Variants in USP16 observed in about 807,000 individuals in gnomAD.
USP16 encodes ubiquitin carboxyl-terminal hydrolase 16.
A neutral mutation model predicts 95.9 loss-of-function variants in USP16; 77 were observed. That is an observed-to-expected ratio of 0.80 (90% CI 0.67 to 0.97). USP16 has a LOEUF of 0.97. Among genes scored for constraint, USP16 ranks in the 50% least tolerant of loss-of-function variants. The pLI is 0.00. For synonymous variants in USP16, 303 were observed against 318.2 expected (o/e 0.95, Z 0.51); for missense variants, 943 against 959.9 (o/e 0.98, Z 0.23).
At chr21:29,052,054 A>ATT in intron 16 of USP16, 1 of 152,126 alleles carries the variant, frequency 6.6e-6, no homozygotes, top group East Asian at 1.9e-4. Flanking sequence ...GGAGGAGATT[A>ATT]TTTGTAAGTG....
At chr21:29,038,909 T>C in intron 7 of USP16, 117 bp from the exon 8 acceptor site, 1 of 1,089,388 alleles carries the variant, frequency 9.2e-7, no homozygotes, top group Non-Finnish European at 1.2e-6. Context: ...ATTTTAAACT[T>C]TTAAATGGGG....
In USP16 at chr21:29,025,775, C is replaced by G. The variant is rs192952202; in HGVS notation, c.-42+998C>G. The G allele has an allele frequency of 5.2e-4, 508 of 971,598 alleles. 2 individuals carry two copies. The highest frequency in any genetic ancestry group is 5.9e-4 in the Non-Finnish European group (480 of 817,388). The allele number at this position is 971,598 out of a possible 1,614,324, so 60.2% of individuals were successfully genotyped here. ...GTAATCATCCTTTATGCCTCAGGTA[C>G]TATTCTATTTTTCTATTTCAATGCA... On this transcript the variant is annotated intron_variant, in intron 1 of 17. Transcript: ENST00000399976.
In USP16 at chr21:29,042,196, G is replaced by T. The variant is rs920542979; in HGVS notation, c.1122+92G>T. On this transcript the variant is annotated intron_variant, in intron 11 of 17. Transcript: ENST00000399976. ...AAAAGCAGAAATCTCTACCTTCATA[G>T]GATATCTTTTTAAACTATTCAGATG... 1.4e-5 allele frequency: 16 copies of T among 1,178,300 alleles called. No homozygotes were observed. In the African/African-American group the frequency reaches 2.2e-4, roughly 16 times the overall value. The allele number at this position is 1,178,300 out of a possible 1,614,324, so 73.0% of individuals were successfully genotyped here.
At chr21:29,033,452 A>G (rs922445474) in intron 3 of USP16, among the ~76,000 whole-genome samples, 6 of 152,234 alleles carry the variant, frequency 3.9e-5, no homozygotes, top group African/African-American at 1.2e-4. Flanking sequence ...GGCAATGGAA[A>G]CACGACCGGT....
chr21:29,029,549 G>T (rs1203763554), intron 2 of USP16, among the ~76,000 whole-genome samples: 3 of 152,174 alleles, frequency 2.0e-5, no homozygotes, highest in Non-Finnish European at 2.9e-5. Flanking sequence ...TGGACATAAA[G>T]CTAATTATGC....
chr21:29,054,257 AG>A lies in USP16; in HGVS notation c.*71del, dbSNP rs1439111477. The A allele has an allele frequency of 2.7e-5, 41 of 1,519,088 alleles. No homozygotes were observed. Among genetic ancestry groups the A allele is most frequent in the Non-Finnish European group, 3.3e-5 (37 of 1,114,164 alleles). 94.1% of individuals were successfully genotyped at this position (1,519,088 alleles called of 1,614,324 possible). A position where few individuals can be genotyped will look rare whatever the true frequency, so the allele number is the denominator to read the frequency against. On this transcript the variant is annotated 3_prime_UTR_variant, in exon 18 of 18. Transcript: ENST00000399976. ...TAATGGCTGAAATAACGATAAAAAA[AG>A]ACTAATTAAAATCATGTTCACTTAA...
chr21:29,044,486 G>A (rs1337108919), intron 13 of USP16, among the ~76,000 whole-genome samples: 10 of 133,696 alleles, frequency 7.5e-5, no homozygotes, highest in Non-Finnish European at 1.4e-4. Context: ...TCACTCTGTC[G>A]CCCAGGCTGG....
intron 13 of USP16, among the ~76,000 whole-genome samples, chr21:29,044,447 CT>C (rs5843364): frequency 0.34 from 40,818 of 119,854 alleles, 6,026 homozygotes; most frequent in South Asian, 0.43. Context: ...CTTCTTCATT[CT>C]TTTTTTTTTT....
At chr21:29,029,177 G>T (rs2085039786) in intron 2 of USP16, among the ~76,000 whole-genome samples, 1 of 152,212 alleles carries the variant, frequency 6.6e-6, no homozygotes, top group African/African-American at 2.4e-5. Flanking sequence ...ACTCTGGGAG[G>T]CCAAGGCGGG....
intron 2 of USP16, among the ~76,000 whole-genome samples, chr21:29,028,497 G>C (rs140546730): frequency 0.01 from 1,575 of 152,026 alleles, 17 homozygotes; most frequent in Middle Eastern, 0.058. Context: ...GTGCAGTAGT[G>C]TGATCTCAGC....
intron 2 of USP16, among the ~76,000 whole-genome samples, chr21:29,028,553 A>T (rs1248593257): frequency 1.3e-5 from 2 of 151,856 alleles, no homozygotes; most frequent in Admixed American, 1.3e-4. Flanking sequence ...CTCCTGTCTC[A>T]GCCTCATGAG....
Position 29,042,037 on chromosome 21 carries a change from C to G in USP16, c.1055C>G (p.Pro352Arg). 2 of 1,612,828 alleles carry G rather than the reference C, an allele frequency of 1.2e-6. No individual in the cohort carries two copies. The highest frequency in any genetic ancestry group is 1.7e-6 in the Non-Finnish European group (2 of 1,179,446). Residue 352 changes from proline (P) to arginine (R), a missense_variant, in exon 11 of 18, where the codon CCA becomes CGA. By Grantham distance (103) the Pro-to-Arg change is moderately radical. Transcript: ENST00000399976. Reference sequence around the variant, plus strand: ...GATTATGAGAAGAAAAAATCAATGCCAAGTTTTGTTGACCGCATCTTTGGT... The same window carrying G: ...GATTATGAGAAGAAAAAATCAATGCGAAGTTTTGTTGACCGCATCTTTGGT... ...VKDYEKKKSM[P>R]SFVDRIFGGE...
At chr21:29,052,200 T>A (rs1047820574) in intron 16 of USP16, 1 of 152,262 alleles carries the variant, frequency 6.6e-6, no homozygotes, top group Middle Eastern at 3.2e-3. Context: ...TGATGCTGGC[T>A]GTTCATGGAC....
chr21:29,054,061 G>A lies in USP16; in HGVS notation c.2351-5G>A. 1 of 1,614,070 alleles carries A rather than the reference G, an allele frequency of 6.2e-7. No homozygotes were observed. The highest frequency in any genetic ancestry group is 8.5e-7 in the Non-Finnish European group (1 of 1,179,976). ...TATGTTTGATTTTTCATTTTCTCATGACAGATTTTGAAATGGAATCAAAAG... is the reference window on the plus strand; with the variant it reads ...TATGTTTGATTTTTCATTTTCTCATAACAGATTTTGAAATGGAATCAAAAG... On this transcript the variant is annotated splice_polypyrimidine_tract_variant and splice_region_variant and intron_variant, in intron 17 of 17. Transcript: ENST00000399976.
chr21:29,031,820 A>G (rs1014851826), intron 3 of USP16, among the ~76,000 whole-genome samples: 3 of 152,262 alleles, frequency 2.0e-5, no homozygotes, highest in African/African-American at 4.8e-5. Context: ...AACAGATAAT[A>G]CAGAGAAATC....
chr21:29,043,820 T>C (rs887766364), intron 13 of USP16, among the ~76,000 whole-genome samples: 1 of 152,228 alleles, frequency 6.6e-6, no homozygotes, highest in African/African-American at 2.4e-5. Context: ...CCTGCATTGC[T>C]TGTAACAAGT....
At chr21:29,039,630 G>A in intron 9 of USP16, 62 bp downstream of exon 9, 1 of 1,480,218 alleles carries the variant, frequency 6.8e-7, no homozygotes, top group Non-Finnish European at 9.2e-7. Context: ...TGTCTCATTT[G>A]ATATCTTACG....
intron 13 of USP16, among the ~76,000 whole-genome samples, chr21:29,045,194 G>C (rs2085304784): frequency 6.6e-6 from 1 of 152,034 alleles, no homozygotes. Flanking sequence ...GTGTTCCTCT[G>C]TTTTTACGGA....
intron 17 of USP16, 35 bp from the exon 18 acceptor site, chr21:29,054,031 C>T: frequency 3.7e-6 from 6 of 1,613,588 alleles, no homozygotes; most frequent in East Asian, 2.2e-5. Context: ...TTGAATCTTT[C>T]CATTTATGTT....
Sources: gnomAD v4.1 joint callset for allele counts (sites outside exome capture counted in the v4.1 genomes callset) on GRCh38, gnomAD v4.1.1 for gene constraint, MANE v1.5 for transcripts, NCBI Gene and HGNC (gene_info 2026-07-23, HGNC 2026-07-21) for gene names.